The following RAB7A variants were observed in gnomAD, a reference collection of about 807,000 sequenced individuals.
RAB7A encodes the protein ras-related protein Rab-7a.
Under a neutral mutation model 24.5 loss-of-function variants are expected in RAB7A, and 2 were observed. The observed-to-expected ratio is 0.08, with a 90% CI of 0.03 to 0.26. The LOEUF (loss-of-function observed/expected upper bound fraction) is 0.26. Ranked by LOEUF, RAB7A falls within the 10% of genes least tolerant of loss-of-function variation. The probability of loss-of-function intolerance (pLI) is 1.00; values close to 1 mark genes in which losing one functional copy is unlikely to be tolerated. For synonymous variants in RAB7A, 100 were observed against 95.9 expected (o/e 1.04, Z -0.25); for missense variants, 118 against 255.7 (o/e 0.46, Z 3.67).
chr3:128,772,925 G>A (rs1222732992), intron 1 of RAB7A, among the ~76,000 whole-genome samples: 4 of 152,206 alleles, frequency 2.6e-5, no homozygotes, highest in African/African-American at 9.6e-5. Flanking sequence ...GCAGTGGCGT[G>A]ATCTCGGCTC....
At chr3:128,776,639 A>G (rs4527400) in intron 1 of RAB7A, among the ~76,000 whole-genome samples, 4,466 of 152,276 alleles carry the variant, frequency 0.029, 109 homozygotes, top group South Asian at 0.069. Flanking sequence ...TTGATTCCAT[A>G]TTTCAGTTAC....
At chr3:128,752,797 A>G (rs1399926896) in intron 1 of RAB7A, among the ~76,000 whole-genome samples, 1 of 112,362 alleles carries the variant, frequency 8.9e-6, no homozygotes, top group Non-Finnish European at 1.9e-5. Context: ...GTTGATATTT[A>G]TTTTTTTTGA....
intron 1 of RAB7A, among the ~76,000 whole-genome samples, chr3:128,736,627 C>T (rs893767701): frequency 1.3e-5 from 2 of 151,952 alleles, no homozygotes; most frequent in African/African-American, 4.8e-5. Context: ...CAGTTTAAAT[C>T]CAGCACATAC....
At chr3:128,728,619 T>A (rs910234619) in intron 1 of RAB7A, among the ~76,000 whole-genome samples, 1 of 152,134 alleles carries the variant, frequency 6.6e-6, no homozygotes. Flanking sequence ...TGCGCCACCA[T>A]GCCCAGCTAA....
At chr3:128,744,309 T>A (rs183153316) in intron 1 of RAB7A, among the ~76,000 whole-genome samples, 1 of 152,146 alleles carries the variant, frequency 6.6e-6, no homozygotes, top group East Asian at 1.9e-4. Context: ...AAAAGTACAA[T>A]AACTGAGATG....
At chr3:128,804,877 C>T (rs1224242711) in intron 3 of RAB7A, among the ~76,000 whole-genome samples, 1 of 152,154 alleles carries the variant, frequency 6.6e-6, no homozygotes, top group Non-Finnish European at 1.5e-5. Flanking sequence ...ATCGATGGTT[C>T]ACTAAATCTG....
chr3:128,808,125 G>T (rs1053101860), intron 5 of RAB7A, among the ~76,000 whole-genome samples: 1 of 152,278 alleles, frequency 6.6e-6, no homozygotes, highest in Non-Finnish European at 1.5e-5. Context: ...GGGAGGCCAA[G>T]GCGGGCTGAT....
At chr3:128,797,109 T>G (rs890757234) in intron 2 of RAB7A, among the ~76,000 whole-genome samples, 5 of 152,170 alleles carry the variant, frequency 3.3e-5, no homozygotes, top group Admixed American at 3.3e-4. Context: ...CCCAAACTTG[T>G]GCAAAAAGTC....
At chr3:128,755,429 C>T (rs1194157595) in intron 1 of RAB7A, among the ~76,000 whole-genome samples, 4 of 151,990 alleles carry the variant, frequency 2.6e-5, no homozygotes, top group Non-Finnish European at 5.9e-5. Context: ...AATCACCAAT[C>T]TAACTTTTTA....
chr3:128,798,322 T>G (rs1473361833), intron 3 of RAB7A: 5 of 426,938 alleles, frequency 1.2e-5, no homozygotes, highest in Non-Finnish European at 2.1e-5. Flanking sequence ...CTCAGATTTA[T>G]CCTTTCTTGT....
At chr3:128,740,586 C>G in intron 1 of RAB7A, among the ~76,000 whole-genome samples, 1 of 151,906 alleles carries the variant, frequency 6.6e-6, no homozygotes, top group East Asian at 1.9e-4. Context: ...TAAATGATGT[C>G]TCATTGTTGA....
chr3:128,741,211 C>A (rs73862535), intron 1 of RAB7A, among the ~76,000 whole-genome samples: 4 of 152,014 alleles, frequency 2.6e-5, no homozygotes, highest in Non-Finnish European at 5.9e-5. Context: ...GAATTTTGAT[C>A]CTTTTCGTGT....
In RAB7A at chr3:128,813,726, A is replaced by C. The variant is rs945012799; in HGVS notation, c.*304A>C. ...TGGCAGCAGGACAAGCCAGCGGTGG[A>C]AGTCATTCTGATATGGAGTTGGCAT... On this transcript the variant is annotated 3_prime_UTR_variant, in exon 6 of 6. Transcript: ENST00000265062. 3.4e-5 allele frequency: 15 copies of C among 443,936 alleles called. No homozygotes were observed. The highest frequency in any genetic ancestry group is 2.8e-4 in the African/African-American group (14 of 49,840). 27.5% of individuals were successfully genotyped at this position (443,936 alleles called of 1,614,324 possible).
intron 1 of RAB7A, chr3:128,785,433 G>A (rs893445830): frequency 7.9e-5 from 12 of 152,102 alleles, no homozygotes; most frequent in African/African-American, 2.2e-4. Flanking sequence ...GGACAACACA[G>A]TGAAACCCGT....
intron 1 of RAB7A, among the ~76,000 whole-genome samples, chr3:128,793,460 ATTT>A (rs1933504668): frequency 1.3e-5 from 2 of 151,506 alleles, no homozygotes; most frequent in African/African-American, 4.9e-5. Flanking sequence ...AGCCTTTTCT[ATTT>A]TTAGTAGAGA....
rs540282696 is a variant in RAB7A, at chr3:128,737,319, G to T, written c.-9+10960G>T. 8.2e-5 allele frequency among the ~76,000 whole-genome samples: 12 copies of T among 145,786 alleles called. No individual in the cohort carries two copies. The East Asian group carries it at 2.5e-3, about 30-fold the overall frequency. On this transcript the variant is annotated intron_variant, in intron 1 of 5. Transcript: ENST00000265062. ...CTCCCAAAGTGCTGAGATTACAGGC[G>T]TGAGCCACCGCTCCCGGCCTTTTTT...
At chr3:128,806,293 C>A in intron 3 of RAB7A, 79 bp from the exon 4 acceptor site, 1 of 1,353,032 alleles carries the variant, frequency 7.4e-7, no homozygotes, top group Non-Finnish European at 1.0e-6. Context: ...TAGCCTATTT[C>A]TTCTGGCACC....
chr3:128,786,124 C>G (rs1051548261), intron 1 of RAB7A, among the ~76,000 whole-genome samples: 1 of 152,132 alleles, frequency 6.6e-6, no homozygotes, highest in African/African-American at 2.4e-5. Context: ...TTTTCTTCAT[C>G]TGTTAAATGG....
intron 1 of RAB7A, among the ~76,000 whole-genome samples, chr3:128,758,735 G>GGA (rs934902480): frequency 2.6e-5 from 4 of 152,264 alleles, no homozygotes; most frequent in Admixed American, 2.6e-4. Flanking sequence ...AAAAGGGTTT[G>GGA]GAGTATATCA....
Sources: allele counts gnomAD v4.1 joint callset (sites outside exome capture counted in the v4.1 genomes callset), GRCh38; gene constraint gnomAD v4.1.1; transcripts MANE v1.5; gene names NCBI Gene and HGNC (gene_info 2026-07-23, HGNC 2026-07-21).